The following CYSLTR2 variants were observed in gnomAD, a reference collection of about 807,000 sequenced individuals.
CYSLTR2 encodes the protein cysteinyl leukotriene receptor 2, also known as G-protein coupled receptor GPCR21.
For synonymous variants in CYSLTR2, 179 were observed against 160.8 expected (o/e 1.11, Z -0.86); for missense variants, 398 against 411.9 (o/e 0.97, Z 0.29).
intron 1 of CYSLTR2, among the ~76,000 whole-genome samples, chr13:48,660,645 T>A (rs1347908823): frequency 6.6e-6 from 1 of 152,210 alleles, no homozygotes; most frequent in African/African-American, 2.4e-5. Context: ...TTATCTGTGT[T>A]TCTGTTTTGA....
intron 1 of CYSLTR2, among the ~76,000 whole-genome samples, chr13:48,666,282 A>G (rs1218430162): frequency 6.6e-6 from 1 of 152,114 alleles, no homozygotes; most frequent in African/African-American, 2.4e-5. Context: ...GCCAATGAAG[A>G]TTCCCTTATA....
At chr13:48,675,412 G>C (rs967000594) in intron 1 of CYSLTR2, among the ~76,000 whole-genome samples, 15 of 152,110 alleles carry the variant, frequency 9.9e-5, no homozygotes, top group African/African-American at 3.6e-4. Flanking sequence ...CTGCCAGTTC[G>C]AACTTCCTGT....
At position 48,672,936 on chromosome 13, in the gene CYSLTR2, T is replaced by G. The variant is rs566960260; in HGVS notation, c.-265-18276T>G. Among the ~76,000 whole-genome samples the G allele has an allele frequency of 3.3e-5, 5 of 152,304 alleles. No homozygotes were observed. The East Asian group carries it at 9.7e-4, about 29-fold the overall frequency. On this transcript the variant is annotated intron_variant, in intron 1 of 4. Coordinates refer to ENST00000682523, the MANE Select transcript of CYSLTR2 (RefSeq NM_001308476.3). Reference sequence around the variant, plus strand: ...TGGCCTGGAGTGAGTTTCTCAATCCTGAGTTCTAGTAGATTGCAATGTGGT... The same window carrying G: ...TGGCCTGGAGTGAGTTTCTCAATCCGGAGTTCTAGTAGATTGCAATGTGGT...
chr13:48,667,951 A>T (rs1001972921), intron 1 of CYSLTR2, among the ~76,000 whole-genome samples: 6 of 152,156 alleles, frequency 3.9e-5, no homozygotes, highest in Non-Finnish European at 8.8e-5. Context: ...TGTGGCTGCA[A>T]ATTTGCCTAG....
intron 1 of CYSLTR2, among the ~76,000 whole-genome samples, chr13:48,679,019 C>T (rs1425484684): frequency 6.6e-6 from 1 of 152,142 alleles, no homozygotes; most frequent in Non-Finnish European, 1.5e-5. Context: ...TCACTGCCCT[C>T]AGGATGAAAT....
intron 3 of CYSLTR2, among the ~76,000 whole-genome samples, chr13:48,695,023 C>T (rs576435161): frequency 2.7e-5 from 4 of 148,884 alleles, no homozygotes; most frequent in South Asian, 4.2e-4. Flanking sequence ...TACCCCTTCC[C>T]GCAATGGTAA....
Position 48,680,798 on chromosome 13 carries a change from TTC to T in CYSLTR2, c.-265-10412_-265-10411del, listed in dbSNP as rs1461135711. On this transcript the variant is annotated intron_variant, in intron 1 of 4. Transcript: ENST00000682523. ...TTTTCTTTCTTTCTTTTCTTTTCTTTTCTTTTTTTTTTTTTTTTTTTTGCAGT... is the reference window on the plus strand; with the variant it reads ...TTTTCTTTCTTTCTTTTCTTTTCTTTTTTTTTTTTTTTTTTTTTTTGCAGT... Among the ~76,000 whole-genome samples the T allele has an allele frequency of 5.2e-3, 347 of 66,570 alleles. 2 individuals carry two copies. Among genetic ancestry groups the T allele is most frequent in the African/African-American group, 0.02 (310 of 15,450 alleles). 43.7% of individuals were successfully genotyped at this position (66,570 alleles called of 152,430 possible).
intron 4 of CYSLTR2, among the ~76,000 whole-genome samples, chr13:48,704,709 A>C (rs1594027743): frequency 6.6e-6 from 1 of 152,076 alleles, no homozygotes; most frequent in African/African-American, 2.4e-5. Flanking sequence ...CCCATGGATT[A>C]TTCAGAAGTG....
chr13:48,670,579 G>T (rs571007282), intron 1 of CYSLTR2, among the ~76,000 whole-genome samples: 1 of 152,186 alleles, frequency 6.6e-6, no homozygotes, highest in African/African-American at 2.4e-5. Context: ...TCAAAGATCA[G>T]ATGGGAGCAG....
intron 1 of CYSLTR2, among the ~76,000 whole-genome samples, chr13:48,673,231 T>C (rs1413878632): frequency 6.6e-6 from 1 of 152,152 alleles, no homozygotes; most frequent in African/African-American, 2.4e-5. Context: ...TATTATTGTG[T>C]GGGAGTCTAA....
Position 48,708,087 on chromosome 13 carries a change from G to A in CYSLTR2, c.*229G>A. The A allele has an allele frequency of 2.6e-6, 1 of 391,898 alleles. No individual in the cohort carries two copies. The allele number at this position is 391,898 out of a possible 1,614,324, so 24.3% of individuals were successfully genotyped here. Reference sequence around the variant, plus strand: ...GGAAAAATCCCTACTAGAGTCCTGTGGGCTGAAATATCAGACTGGGAAAAA... The same window carrying A: ...GGAAAAATCCCTACTAGAGTCCTGTAGGCTGAAATATCAGACTGGGAAAAA... On this transcript the variant is annotated 3_prime_UTR_variant, in exon 5 of 5. Coordinates refer to ENST00000682523, the MANE Select transcript of CYSLTR2 (RefSeq NM_001308476.3).
chr13:48,705,245 T>C (rs2060341027), intron 4 of CYSLTR2, among the ~76,000 whole-genome samples: 1 of 152,192 alleles, frequency 6.6e-6, no homozygotes. Flanking sequence ...CCATTCCTTA[T>C]TTCCTTTGAT....
intron 1 of CYSLTR2, among the ~76,000 whole-genome samples, chr13:48,659,000 G>T (rs1293246836): frequency 6.6e-6 from 1 of 152,106 alleles, no homozygotes; most frequent in Non-Finnish European, 1.5e-5. Context: ...AGGAGGCTGT[G>T]CCCATTGTGC....
intron 4 of CYSLTR2, among the ~76,000 whole-genome samples, chr13:48,704,107 G>T (rs1207708988): frequency 6.6e-6 from 1 of 152,102 alleles, no homozygotes; most frequent in East Asian, 1.9e-4. Context: ...GGAAATTTAT[G>T]TCTGTTCTAC....
chr13:48,662,351 C>T (rs889537411), intron 1 of CYSLTR2, among the ~76,000 whole-genome samples: 1 of 152,122 alleles, frequency 6.6e-6, no homozygotes, highest in African/African-American at 2.4e-5. Context: ...AAACTGGTTT[C>T]AAAGCTTTTG....
intron 1 of CYSLTR2, among the ~76,000 whole-genome samples, chr13:48,661,745 G>C (rs1339563895): frequency 6.6e-6 from 1 of 152,152 alleles, no homozygotes; most frequent in Non-Finnish European, 1.5e-5. Context: ...AATAATAATT[G>C]CATATTCATG....
At chr13:48,706,673 A>C (rs1382349694) in intron 4 of CYSLTR2, 144 bp from the exon 5 acceptor site, 1 of 638,790 alleles carries the variant, frequency 1.6e-6, no homozygotes, top group Non-Finnish European at 2.7e-6. Flanking sequence ...TAAAGACTTA[A>C]CCAGTGTTTT....
In CYSLTR2 at chr13:48,708,001, C is replaced by T. The variant is rs1362635705; in HGVS notation, c.*143C>T. 1.5e-6 allele frequency: 1 copy of T among 685,992 alleles called. No individual in the cohort carries two copies. Among genetic ancestry groups the T allele is most frequent in the Non-Finnish European group, 2.2e-6 (1 of 447,740 alleles). The allele number at this position is 685,992 out of a possible 1,614,324, so 42.5% of individuals were successfully genotyped here. ...TGACCATTACTTTTGTTAATAAGACCTACTTCAAAAATTTTATTCAGTGTA... is the reference window on the plus strand; with the variant it reads ...TGACCATTACTTTTGTTAATAAGACTTACTTCAAAAATTTTATTCAGTGTA... On this transcript the variant is annotated 3_prime_UTR_variant, in exon 5 of 5. Coordinates refer to ENST00000682523, the MANE Select transcript of CYSLTR2 (RefSeq NM_001308476.3).
chr13:48,659,394 G>A (rs1464410569), intron 1 of CYSLTR2, among the ~76,000 whole-genome samples: 2 of 152,162 alleles, frequency 1.3e-5, no homozygotes, highest in Non-Finnish European at 1.5e-5. Flanking sequence ...TAGGATTTGG[G>A]TTCAGTTGGG....
Sources: allele counts gnomAD v4.1 joint callset (sites outside exome capture counted in the v4.1 genomes callset), GRCh38; gene constraint gnomAD v4.1.1; transcripts MANE v1.5; gene names NCBI Gene and HGNC (gene_info 2026-07-23, HGNC 2026-07-21).